The following DIAPH3 variants were observed in gnomAD, a reference collection of about 807,000 sequenced individuals.
DIAPH3 encodes the protein diaphanous related formin 3.
DIAPH3 carries 117 observed loss-of-function variants against 144.3 expected under a neutral mutation model. That is an observed-to-expected ratio of 0.81 (90% CI 0.70 to 0.95). The LOEUF is 0.95. DIAPH3 is among the 40% of genes least tolerant of loss of function. DIAPH3 has a pLI of 0.00. For synonymous variants in DIAPH3, 519 were observed against 488.9 expected, an observed-to-expected ratio of 1.06 and a Z score of -0.81; for missense variants, 1,421 against 1,412.7, an observed-to-expected ratio of 1.01 and a Z score of -0.09.
chr13:60,069,257 T>C (rs1251284572), intron 4 of DIAPH3, among the ~76,000 whole-genome samples: 2 of 152,218 alleles, frequency 1.3e-5, no homozygotes, highest in Non-Finnish European at 2.9e-5. Flanking sequence ...ACTTTTCATA[T>C]GCTTGTTGAT....
intron 17 of DIAPH3, among the ~76,000 whole-genome samples, chr13:59,945,837 A>G (rs990437914): frequency 1.1e-4 from 16 of 152,194 alleles, no homozygotes; most frequent in Non-Finnish European, 2.1e-4. Flanking sequence ...TTAATTTACA[A>G]GTATTTTCCA....
intron 27 of DIAPH3, among the ~76,000 whole-genome samples, chr13:59,674,031 G>C (rs943914466): frequency 2.0e-5 from 3 of 152,194 alleles, no homozygotes; most frequent in African/African-American, 7.2e-5. Flanking sequence ...GTGATCAAAA[G>C]TGAGGGTAAC....
intron 24 of DIAPH3, among the ~76,000 whole-genome samples, chr13:59,827,432 T>C (rs981066782): frequency 1.1e-4 from 17 of 151,976 alleles, no homozygotes; most frequent in Non-Finnish European, 2.4e-4. Context: ...TTGAAATAGA[T>C]TACCCGTAAG....
chr13:60,061,394 AG>A (rs1409823249), intron 4 of DIAPH3, among the ~76,000 whole-genome samples: 4 of 152,120 alleles, frequency 2.6e-5, no homozygotes, highest in African/African-American at 9.7e-5. Context: ...AGTTACAAAA[AG>A]CTGTATGTTA....
At chr13:59,769,703 T>C (rs1171475256) in intron 27 of DIAPH3, among the ~76,000 whole-genome samples, 2 of 152,052 alleles carry the variant, frequency 1.3e-5, no homozygotes, top group Admixed American at 6.6e-5. Flanking sequence ...GTCATTTTCA[T>C]GCTCAAAAAC....
intron 27 of DIAPH3, among the ~76,000 whole-genome samples, chr13:59,746,876 C>T (rs1206548868): frequency 6.6e-6 from 1 of 152,106 alleles, no homozygotes; most frequent in Non-Finnish European, 1.5e-5. Context: ...CTTGACTCAT[C>T]ATTTTCCTAC....
At chr13:60,151,087 G>T (rs1019873167) in intron 1 of DIAPH3, among the ~76,000 whole-genome samples, 6 of 138,760 alleles carry the variant, frequency 4.3e-5, no homozygotes, top group Non-Finnish European at 9.2e-5. Flanking sequence ...GTGTCCCCCA[G>T]GAAAAAAAAA....
chr13:59,719,767 A>C (rs762309935), intron 27 of DIAPH3, among the ~76,000 whole-genome samples: 2 of 152,124 alleles, frequency 1.3e-5, no homozygotes, highest in Non-Finnish European at 2.9e-5. Flanking sequence ...AATTGGACTG[A>C]GAGGCAGACT....
chr13:59,778,953 T>C (rs1207994845), intron 25 of DIAPH3, among the ~76,000 whole-genome samples: 1 of 152,236 alleles, frequency 6.6e-6, no homozygotes, highest in Non-Finnish European at 1.5e-5. Context: ...TTTGCTCAAA[T>C]GGATTTTGAC....
intron 21 of DIAPH3, among the ~76,000 whole-genome samples, chr13:59,878,948 G>A (rs565207221): frequency 3.3e-5 from 5 of 151,940 alleles, no homozygotes; most frequent in African/African-American, 4.8e-5. Context: ...ATATTTTGAC[G>A]TTCCATTTCA....
chr13:59,984,230 C>T (rs927968752), intron 12 of DIAPH3, among the ~76,000 whole-genome samples: 3 of 151,616 alleles, frequency 2.0e-5, no homozygotes, highest in Non-Finnish European at 3.0e-5. Context: ...CTGTACCACA[C>T]TGAAATAGCT....
intron 24 of DIAPH3, among the ~76,000 whole-genome samples, chr13:59,826,350 A>C (rs993271948): frequency 4.5e-5 from 6 of 134,036 alleles, no homozygotes; most frequent in Non-Finnish European, 9.7e-5. Flanking sequence ...ATACAAAATC[A>C]ATGTACAAAA....
At chr13:60,114,630 A>G (rs930076225) in intron 2 of DIAPH3, among the ~76,000 whole-genome samples, 9 of 129,554 alleles carry the variant, frequency 6.9e-5, no homozygotes, top group South Asian at 2.6e-4. Flanking sequence ...AAAACCCAAA[A>G]AGAATACAAA....
chr13:59,738,945 G>A (rs2036299760), intron 27 of DIAPH3, among the ~76,000 whole-genome samples: 1 of 151,962 alleles, frequency 6.6e-6, no homozygotes, highest in Non-Finnish European at 1.5e-5. Context: ...TCTCACTTTT[G>A]GAAGCTTTGC....
chr13:59,773,562 A>G (rs962443045), intron 27 of DIAPH3, among the ~76,000 whole-genome samples: 1 of 152,212 alleles, frequency 6.6e-6, no homozygotes. Flanking sequence ...AAACAAAAGC[A>G]AATAAAAGCC....
chr13:59,734,735 C>T (rs909679854), intron 27 of DIAPH3, among the ~76,000 whole-genome samples: 1 of 152,206 alleles, frequency 6.6e-6, no homozygotes, highest in Non-Finnish European at 1.5e-5. Context: ...AATAGCAATT[C>T]CACCATGCAG....
At chr13:60,104,596 G>A (rs911879292) in intron 3 of DIAPH3, among the ~76,000 whole-genome samples, 11 of 68,802 alleles carry the variant, frequency 1.6e-4, no homozygotes, top group African/African-American at 5.0e-5. Context: ...ACACACACAC[G>A]ATGAGAAAAA....
chr13:60,092,396 T>C (rs1028588295), intron 4 of DIAPH3, among the ~76,000 whole-genome samples: 1 of 152,192 alleles, frequency 6.6e-6, no homozygotes, highest in African/African-American at 2.4e-5. Context: ...CTCACGCCTG[T>C]AATCCCAGCA....
At chr13:59,669,549 A>G (rs1036722578) in intron 27 of DIAPH3, among the ~76,000 whole-genome samples, 3 of 152,112 alleles carry the variant, frequency 2.0e-5, no homozygotes, top group African/African-American at 7.2e-5. Flanking sequence ...CCCTCTGAGG[A>G]CAGCCCTCAA....
Sources: gnomAD v4.1 joint callset for allele counts (sites outside exome capture counted in the v4.1 genomes callset) on GRCh38, gnomAD v4.1.1 for gene constraint, MANE v1.5 for transcripts, NCBI Gene and HGNC (gene_info 2026-07-23, HGNC 2026-07-21) for gene names.